Variants in FAM186A observed in about 807,000 individuals in gnomAD.
FAM186A encodes the protein family with sequence similarity 186 member A.
In FAM186A, 163 loss-of-function variants were observed where a neutral mutation model predicts 216.8. That is an observed-to-expected ratio of 0.75 (90% CI 0.66 to 0.86). The LOEUF (loss-of-function observed/expected upper bound fraction) is 0.86. Ranked by LOEUF, FAM186A falls within the 40% of genes least tolerant of loss-of-function variation. The pLI is 0.00. For synonymous variants in FAM186A, 805 were observed against 1,025.3 expected (o/e 0.79, Z 4.10); for missense variants, 2,184 against 2,746.2 (o/e 0.80, Z 4.58).
At chr12:50,372,890 C>A (rs1172948506) in intron 1 of FAM186A, among the ~76,000 whole-genome samples, 1 of 116,050 alleles carries the variant, frequency 8.6e-6, no homozygotes, top group African/African-American at 3.3e-5. Context: ...GGCGACAGAG[C>A]AAGACTCCGT....
chr12:50,379,960 A>G lies in FAM186A; in HGVS notation c.192+16333T>C, dbSNP rs574321043. 3.2e-4 allele frequency among the ~76,000 whole-genome samples: 4 copies of G among 12,642 alleles called. 1 individual carries two copies. In the Admixed American group the frequency reaches 5.0e-3, roughly 16 times the overall value. 8.3% of individuals were successfully genotyped at this position (12,642 alleles called of 152,430 possible). On this transcript the variant is annotated intron_variant, in intron 1 of 7. Transcript: ENST00000327337. ...TACATATAGGGTGTATGTGGGGAAA[A>G]GGTGGAAAGAAAGAAGGAATGACAA...
At chr12:50,367,787 C>CTA (rs1943104862) in intron 1 of FAM186A, among the ~76,000 whole-genome samples, 1 of 152,058 alleles carries the variant, frequency 6.6e-6, no homozygotes, top group Non-Finnish European at 1.5e-5. Flanking sequence ...ACTTTGCTAA[C>CTA]TACACTAACA....
intron 1 of FAM186A, among the ~76,000 whole-genome samples, chr12:50,367,583 T>G (rs1055440085): frequency 6.6e-6 from 1 of 151,502 alleles, no homozygotes; most frequent in African/African-American, 2.4e-5. Flanking sequence ...AGTAAAATTA[T>G]CTCTGTTCAT....
At chr12:50,348,165 G>A (rs1253685790) in intron 4 of FAM186A, among the ~76,000 whole-genome samples, 4 of 150,370 alleles carry the variant, frequency 2.7e-5, no homozygotes, top group East Asian at 4.0e-4. Flanking sequence ...CTGCCTCAGC[G>A]TCCTGAGTAG....
In FAM186A at chr12:50,355,944, T is replaced by C; in HGVS notation, c.888A>G (p.Glu296=). ...TCTTCAGAGAGAGCTCCTTTTCTGC[T>C]TCACTTGTCTCATGTGCATACACAG... is the stretch of plus-strand genomic sequence containing the variant. ...SSTVYAHETS[E]AEKELSLKII... Residue 296 remains glutamate, a synonymous_variant, in exon 4 of 8, where the codon GAA becomes GAG. Coordinates refer to ENST00000327337, the MANE Select transcript of FAM186A (RefSeq NM_001145475.3). 6.4e-7 allele frequency: 1 copy of C among 1,551,612 alleles called. No individual in the cohort carries two copies. The highest frequency in any genetic ancestry group is 8.7e-7 in the Non-Finnish European group (1 of 1,146,982).
intron 1 of FAM186A, among the ~76,000 whole-genome samples, chr12:50,367,305 T>C (rs1393778357): frequency 3.3e-5 from 5 of 151,432 alleles, no homozygotes; most frequent in Admixed American, 3.3e-4. Context: ...GATCATGAGG[T>C]CAGGAGATCG....
chr12:50,394,761 A>T (rs995022130), intron 1 of FAM186A, among the ~76,000 whole-genome samples: 370 of 32,156 alleles, frequency 0.012, 12 homozygotes, highest in African/African-American at 0.098. Context: ...TTTTTTTTTT[A>T]GAGATAGAGT....
rs1943027868 is a variant in FAM186A, at chr12:50,360,872, A to G, written c.467T>C (p.Ile156Thr). ...GTCCGGTAACAACTCCATTTGTGCT[A>G]TCCAGTGGTGGTGTTCATCAACATC... ...LMDVDEHHHW[I>T]AQMELLPDTL... Residue 156 changes from isoleucine to threonine, a missense_variant, in exon 3 of 8, where the codon ATA becomes ACA. Ile to Thr is a moderately conservative substitution (Grantham distance 89). Transcript: ENST00000327337. 1 of 1,551,176 alleles carries G rather than the reference A, an allele frequency of 6.4e-7. No individual in the cohort carries two copies. The highest frequency in any genetic ancestry group is 1.4e-5 in the African/African-American group (1 of 73,032).
intron 4 of FAM186A, among the ~76,000 whole-genome samples, chr12:50,337,327 CTT>C (rs1942719125): frequency 1.1e-5 from 1 of 93,064 alleles, no homozygotes; most frequent in South Asian, 3.8e-4. Context: ...CAGGGTCTCT[CTT>C]TGTCACCCAG....
chr12:50,368,863 C>T (rs998158721), intron 1 of FAM186A, among the ~76,000 whole-genome samples: 4 of 151,550 alleles, frequency 2.6e-5, no homozygotes, highest in African/African-American at 9.7e-5. Flanking sequence ...TAAATAAACA[C>T]CAAGTTAACA....
At position 50,351,604 on chromosome 12, in the gene FAM186A, G is replaced by C. The variant is rs778887775; in HGVS notation, c.5228C>G (p.Ser1743Ter). 1 of 1,551,404 alleles carries C rather than the reference G, an allele frequency of 6.4e-7. No individual in the cohort carries two copies. The highest frequency in any genetic ancestry group is 8.7e-7 in the Non-Finnish European group (1 of 1,146,864). The change falls in exon 4 of 8, where the codon TCA becomes TGA. Residue 1743 changes from serine (S) to a stop codon, truncating the protein, a stop_gained. Coordinates refer to ENST00000327337, the MANE Select transcript of FAM186A (RefSeq NM_001145475.3). LOFTEE classifies it high-confidence loss of function. ...AGAGGACTTCTCAGCAGTAGGAGCT[G>C]ATGATGCCAGGGACAGCCTAAGACT... ...SPSLRLSLAS[S>*]APTAEKSSIF...
At chr12:50,350,234 G>A in intron 4 of FAM186A, 95 bp downstream of exon 4, 2 of 1,153,276 alleles carry the variant, frequency 1.7e-6, no homozygotes, top group Non-Finnish European at 2.4e-6. Context: ...TAGAACATAT[G>A]GCCTGACAAA....
intron 1 of FAM186A, among the ~76,000 whole-genome samples, chr12:50,367,819 T>C (rs1943105195): frequency 6.6e-6 from 1 of 151,844 alleles, no homozygotes; most frequent in Admixed American, 6.6e-5. Flanking sequence ...GAAAAAGAAA[T>C]TAAGAAAACA....
At chr12:50,342,561 G>A (rs1330854562) in intron 4 of FAM186A, among the ~76,000 whole-genome samples, 1 of 149,786 alleles carries the variant, frequency 6.7e-6, no homozygotes, top group Admixed American at 6.7e-5. Flanking sequence ...TGCAACCTCT[G>A]CCTCCTGGGT....
rs1170508662 is a variant in FAM186A, at chr12:50,339,174, G to A, written c.6504-5071C>T. Among the ~76,000 whole-genome samples the A allele has an allele frequency of 3.3e-5, 5 of 151,492 alleles. No homozygotes were observed. In the South Asian group the frequency reaches 6.3e-4, roughly 19 times the overall value. ...GGACCACAGGCATACATACCACCAC[G>A]CCTGGCTAATTTTTATAATTTTTGT... On this transcript the variant is annotated intron_variant, in intron 4 of 7. Transcript: ENST00000327337.
chr12:50,385,416 T>TAAAA (rs1260442806), intron 1 of FAM186A, among the ~76,000 whole-genome samples: 1 of 104,866 alleles, frequency 9.5e-6, no homozygotes, highest in African/African-American at 4.2e-5. Context: ...AGACTCTGTC[T>TAAAA]CAAAAAAAAA....
rs1370057601 is a variant in FAM186A, at chr12:50,354,460, A to G, written c.2372T>C (p.Leu791Ser). ...TATTTCAGCCAAGATCATTTGTATT[A>G]AATTGTTAATTACTGGATCTGTGCT... ...YESTDPVINN[L>S]IQMILAEIES... Residue 791 changes from leucine (L) to serine (S), a missense_variant, in exon 4 of 8, where the codon TTA (leucine) becomes TCA (serine). Physicochemically the swap from Leu to Ser is moderately radical, Grantham distance 145. Coordinates refer to ENST00000327337, the MANE Select transcript of FAM186A (RefSeq NM_001145475.3). 1.3e-6 allele frequency: 2 copies of G among 1,551,562 alleles called. No homozygotes were observed. The highest frequency in any genetic ancestry group is 3.9e-5 in the Admixed American group (2 of 50,994).
At chr12:50,365,038 CAAAAA>C (rs61497355) in intron 1 of FAM186A, among the ~76,000 whole-genome samples, 1 of 110,826 alleles carries the variant, frequency 9.0e-6, no homozygotes, top group Non-Finnish European at 1.7e-5. Context: ...AACTCCGTCT[CAAAAA>C]AAAAAAAAAA....
At chr12:50,394,239 TG>T (rs1458655469) in intron 1 of FAM186A, among the ~76,000 whole-genome samples, 67 of 152,230 alleles carry the variant, frequency 4.4e-4, no homozygotes, top group East Asian at 3.9e-4. Flanking sequence ...TCTGTTTTTT[TG>T]TTTTTGTTTT....
Sources: gnomAD v4.1 joint callset for allele counts (sites outside exome capture counted in the v4.1 genomes callset) on GRCh38, gnomAD v4.1.1 for gene constraint, MANE v1.5 for transcripts, NCBI Gene and HGNC (gene_info 2026-07-23, HGNC 2026-07-21) for gene names.